RNPEP: variants seen among roughly 807,000 people sequenced by gnomAD.
RNPEP encodes aminopeptidase B.
A neutral mutation model predicts 70.1 loss-of-function variants in RNPEP; 57 were observed. The observed-to-expected ratio is 0.81, with a 90% CI of 0.66 to 1.01. The LOEUF is 1.01. RNPEP is among the 50% of genes least tolerant of loss of function. RNPEP has a pLI of 0.00. For missense variants in RNPEP, 787 were observed against 852.4 expected (o/e 0.92, Z 0.96); for synonymous variants, 335 against 357.4 (o/e 0.94, Z 0.71).
At chr1:201,996,543 G>A (rs1387231865) in intron 4 of RNPEP, 3 of 319,104 alleles carry the variant, frequency 9.4e-6, no homozygotes, top group African/African-American at 4.3e-5. Context: ...ACCCAGGCTG[G>A]AGGGCAGTGG....
intron 10 of RNPEP, 69 bp downstream of exon 10, chr1:202,004,565 A>T (rs1189790862): frequency 6.3e-7 from 1 of 1,578,624 alleles, no homozygotes; most frequent in Non-Finnish European, 8.6e-7. Flanking sequence ...TGAAGTAATC[A>T]TGTGGGCAGG....
In RNPEP at chr1:202,005,738, G is replaced by A. The variant is rs920068594; in HGVS notation, c.*22G>A. 9.9e-6 allele frequency: 16 copies of A among 1,610,918 alleles called. No individual in the cohort carries two copies. Among genetic ancestry groups the A allele is most frequent in the Non-Finnish European group, 1.4e-5 (16 of 1,177,352 alleles). On this transcript the variant is annotated 3_prime_UTR_variant, in exon 11 of 11. Coordinates refer to ENST00000295640, the MANE Select transcript of RNPEP (RefSeq NM_020216.4). ...TTAGAGGCTCGTGTGCATGGCCCCTGCCTCTTCAGGCTCTCCAGGCTTTCA... is the reference window on the plus strand; with the variant it reads ...TTAGAGGCTCGTGTGCATGGCCCCTACCTCTTCAGGCTCTCCAGGCTTTCA...
chr1:201,984,273 G>A (rs1435537953), intron 1 of RNPEP, among the ~76,000 whole-genome samples: 1 of 152,210 alleles, frequency 6.6e-6, no homozygotes, highest in Non-Finnish European at 1.5e-5. Flanking sequence ...TGATACATCA[G>A]TCAGTATATG....
chr1:201,983,361 G>T, intron 1 of RNPEP: 1 of 1,496,772 alleles, frequency 6.7e-7, no homozygotes, highest in Non-Finnish European at 8.9e-7. Context: ...CACCCTTTCC[G>T]TCCTTCCGCG....
intron 7 of RNPEP, 55 bp from the exon 8 acceptor site, chr1:202,001,604 G>C (rs1571645685): frequency 6.8e-7 from 1 of 1,470,204 alleles, no homozygotes; most frequent in East Asian, 2.3e-5. Context: ...GGACACAGAG[G>C]GACACCACTC....
chr1:201,996,560 C>A (rs1472343266), intron 4 of RNPEP, among the ~76,000 whole-genome samples: 1 of 151,398 alleles, frequency 6.6e-6, no homozygotes, highest in African/African-American at 2.4e-5. Context: ...GTGGCGTGAT[C>A]TCAGCTCACT....
At chr1:201,986,493 G>A (rs1257537861) in intron 1 of RNPEP, among the ~76,000 whole-genome samples, 2 of 150,592 alleles carry the variant, frequency 1.3e-5, no homozygotes, top group Non-Finnish European at 2.9e-5. Context: ...TGGGATTATG[G>A]GTTTTGAGGG....
chr1:202,000,236 A>G (rs190873213), intron 6 of RNPEP: 11 of 453,434 alleles, frequency 2.4e-5, no homozygotes, highest in Admixed American at 1.2e-4. Flanking sequence ...GTTCGTGATG[A>G]CTTCACCATT....
intron 5 of RNPEP, among the ~76,000 whole-genome samples, chr1:201,998,358 C>G (rs995133450): frequency 2.2e-4 from 33 of 151,626 alleles, no homozygotes; most frequent in African/African-American, 6.8e-4. Flanking sequence ...TCAGCTCCCC[C>G]ACATCCCACT....
intron 5 of RNPEP, among the ~76,000 whole-genome samples, chr1:201,998,091 A>G (rs1440644766): frequency 6.6e-6 from 1 of 152,054 alleles, no homozygotes; most frequent in Admixed American, 6.6e-5. Flanking sequence ...AGCTGCATAT[A>G]TGGATGTTTT....
At chr1:201,998,129 C>T (rs1683634991) in intron 5 of RNPEP, among the ~76,000 whole-genome samples, 1 of 151,836 alleles carries the variant, frequency 6.6e-6, no homozygotes, top group South Asian at 2.1e-4. Context: ...TCCAATTTTC[C>T]ATTGAAATAT....
At chr1:202,002,062 A>T (rs1490957246) in intron 8 of RNPEP, among the ~76,000 whole-genome samples, 1 of 152,100 alleles carries the variant, frequency 6.6e-6, no homozygotes, top group East Asian at 1.9e-4. Context: ...CACTGCCCCA[A>T]GCTAAAACTC....
rs146663755 is a variant in RNPEP at position 202,003,320 on chromosome 1, C to A, written c.1510C>A (p.Pro504Thr). ...CTCCCCTGGGGACTCACTCATGAAG[C>A]CTGCTGAAGAGCTAGCCCAACTGTG... ...DLSPGDSLMK[P>T]AEELAQLWAA... Residue 504 changes from proline (P) to threonine (T), a missense_variant, in exon 9 of 11, where the codon CCT (proline) becomes ACT (threonine). Physicochemically the swap from Pro to Thr is conservative, Grantham distance 38. Transcript: ENST00000295640. The A allele has an allele frequency of 6.8e-6, 11 of 1,614,032 alleles. No homozygotes were observed. In the African/African-American group the frequency reaches 1.2e-4, roughly 18 times the overall value.
At position 202,005,602 on chromosome 1, in the gene RNPEP, T is replaced by G. The variant is rs1002503961; in HGVS notation, c.1839T>G (p.Gly613=). The change falls in exon 11 of 11, where the codon GGT becomes GGG. Residue 613 remains glycine (G), a synonymous_variant. Transcript: ENST00000295640. ...TTCCGCTGTACCACGCAATGATGGGTGGCAGTGAGGTGGCCCAGACCCTCG... is the reference window on the plus strand; with the variant it reads ...TTCCGCTGTACCACGCAATGATGGGGGGCAGTGAGGTGGCCCAGACCCTCG... ...YTLPLYHAMM[G]GSEVAQTLAK... is the part of the protein sequence containing the mutation. The G allele has an allele frequency of 1.2e-5, 19 of 1,614,048 alleles. No individual in the cohort carries two copies. The African/African-American group carries it at 2.1e-4, about 18-fold the overall frequency.
intron 1 of RNPEP, 48 bp downstream of exon 1, chr1:201,983,161 GC>G: frequency 3.5e-6 from 5 of 1,425,362 alleles, no homozygotes; most frequent in Non-Finnish European, 4.5e-6. Flanking sequence ...TGCCCTTCCG[GC>G]CCCCAGCCGC....
chr1:201,997,341 C>T lies in RNPEP; in HGVS notation c.877C>T (p.Pro293Ser). The T allele has an allele frequency of 6.2e-7, 1 of 1,614,138 alleles. No homozygotes were observed. Among genetic ancestry groups the T allele is most frequent in the Non-Finnish European group, 8.5e-7 (1 of 1,180,014 alleles). Residue 293 changes from proline (P) to serine (S), a missense_variant, in exon 5 of 11, where the codon CCG becomes TCG. By Grantham distance (74) the Pro-to-Ser change is moderately conservative. Coordinates refer to ENST00000295640, the MANE Select transcript of RNPEP (RefSeq NM_020216.4). ...CAGGTATGACTTGCTCTTCATGCCA[C>T]CGTCCTTTCCATTTGGAGGAATGGA... ...WGRYDLLFMPPSFPFGGMENP... is the reference protein window; with the variant it reads ...WGRYDLLFMPSSFPFGGMENP...
Position 202,003,231 on chromosome 1 carries a change from A to T in RNPEP, c.1427-6A>T. On this transcript the variant is annotated splice_polypyrimidine_tract_variant and splice_region_variant and intron_variant, in intron 8 of 10. Coordinates refer to ENST00000295640, the MANE Select transcript of RNPEP (RefSeq NM_020216.4). Reference sequence around the variant, plus strand: ...TTCTGATAGTGTCTTCTCTCCTCCCAAACAGGTTTTGAGTTTGATCGATGG... The same window carrying T: ...TTCTGATAGTGTCTTCTCTCCTCCCTAACAGGTTTTGAGTTTGATCGATGG... 6.2e-7 allele frequency: 1 copy of T among 1,606,244 alleles called. No individual in the cohort carries two copies. Among genetic ancestry groups the T allele is most frequent in the Non-Finnish European group, 8.5e-7 (1 of 1,174,610 alleles).
chr1:202,002,350 C>CG (rs1252666108), intron 8 of RNPEP, among the ~76,000 whole-genome samples: 4 of 152,102 alleles, frequency 2.6e-5, no homozygotes, highest in African/African-American at 9.6e-5. Flanking sequence ...TTAGTAGAGA[C>CG]GGGGTTTCTC....
At chr1:202,000,792 G>A (rs1442712999) in intron 6 of RNPEP, among the ~76,000 whole-genome samples, 24 of 152,004 alleles carry the variant, frequency 1.6e-4, no homozygotes, top group Non-Finnish European at 1.9e-4. Flanking sequence ...TACTGGGGAG[G>A]CTGAGGCAGG....
Sources: allele counts gnomAD v4.1 joint callset (sites outside exome capture counted in the v4.1 genomes callset), GRCh38; gene constraint gnomAD v4.1.1; transcripts MANE v1.5; gene names NCBI Gene and HGNC (gene_info 2026-07-23, HGNC 2026-07-21).